Variants in MGAT4C observed in about 807,000 individuals in gnomAD.
MGAT4C encodes the protein MGAT4 family member C.
In MGAT4C, 19 loss-of-function variants were observed where a neutral mutation model predicts 40.1. The ratio of observed to expected loss-of-function variants is 0.47; its 90% CI spans 0.33 to 0.70. MGAT4C has a LOEUF of 0.70. Ranked by LOEUF, MGAT4C falls within the 30% of genes least tolerant of loss-of-function variation. The pLI is 0.02. For synonymous variants in MGAT4C, 181 were observed against 187.1 expected, an observed-to-expected ratio of 0.97 and a Z score of 0.27; for missense variants, 491 against 563.2, an observed-to-expected ratio of 0.87 and a Z score of 1.30.
Position 86,690,261 on chromosome 12 carries a change from T to A in MGAT4C, c.-229+36948A>T, listed in dbSNP as rs568382192. On this transcript the variant is annotated intron_variant, in intron 2 of 7. Transcript: ENST00000548651. ...CTTAGCTTGCTTGGTTCAATGGAAG[T>A]GGGATCCACTAAGCAAGACCACTTG... 2.0e-5 allele frequency among the ~76,000 whole-genome samples: 3 copies of A among 152,308 alleles called. No individual in the cohort carries two copies. The East Asian group carries it at 5.8e-4, about 29-fold the overall frequency.
At chr12:86,168,627 C>T (rs182470350) in intron 1 of MGAT4C, among the ~76,000 whole-genome samples, 3 of 152,010 alleles carry the variant, frequency 2.0e-5, no homozygotes, top group East Asian at 1.9e-4. Flanking sequence ...CAGTAAAGGA[C>T]GTTATTGAGA....
chr12:86,544,422 T>A (rs538177571), intron 2 of MGAT4C, among the ~76,000 whole-genome samples: 1 of 152,304 alleles, frequency 6.6e-6, no homozygotes, highest in African/African-American at 2.4e-5. Flanking sequence ...CTCAGTTTAT[T>A]TGTGTGTAAC....
At chr12:86,050,550 T>C (rs1287612540) in intron 1 of MGAT4C, among the ~76,000 whole-genome samples, 1 of 152,028 alleles carries the variant, frequency 6.6e-6, no homozygotes, top group Non-Finnish European at 1.5e-5. Flanking sequence ...AATTATGTTG[T>C]TTTTCAAAGT....
chr12:86,569,204 AC>A (rs1338410612), intron 2 of MGAT4C, among the ~76,000 whole-genome samples: 1 of 152,058 alleles, frequency 6.6e-6, no homozygotes, highest in Non-Finnish European at 1.5e-5. Flanking sequence ...TATACTGAAA[AC>A]CTTTGCACAG....
chr12:86,127,950 C>A (rs1311975783), intron 1 of MGAT4C, among the ~76,000 whole-genome samples: 1 of 152,114 alleles, frequency 6.6e-6, no homozygotes, highest in Non-Finnish European at 1.5e-5. Context: ...ATAAGTAGTA[C>A]ACTCTAAAAT....
At chr12:85,989,700 C>T (rs1486286913) in intron 2 of MGAT4C, 148 bp from the exon 3 acceptor site, 9 of 662,416 alleles carry the variant, frequency 1.4e-5, no homozygotes, top group Non-Finnish European at 1.9e-5. Flanking sequence ...ATAAGGTTGG[C>T]ACAGATCATT....
At chr12:86,600,785 C>A (rs906345501) in intron 2 of MGAT4C, among the ~76,000 whole-genome samples, 2 of 152,182 alleles carry the variant, frequency 1.3e-5, no homozygotes, top group African/African-American at 4.8e-5. Flanking sequence ...CAGGAGCTTG[C>A]GTTCCCGCTG....
intron 1 of MGAT4C, among the ~76,000 whole-genome samples, chr12:86,769,953 G>T (rs1284975191): frequency 6.6e-6 from 1 of 151,834 alleles, no homozygotes; most frequent in African/African-American, 2.4e-5. Flanking sequence ...CATGGCACAC[G>T]TATACATATG....
At position 86,658,664 on chromosome 12, in the gene MGAT4C, T is replaced by C. The variant is rs61950838; in HGVS notation, c.-229+68545A>G. Among the ~76,000 whole-genome samples, 1,069 of 152,258 alleles carry C rather than the reference T, an allele frequency of 7.0e-3. 7 individuals are homozygous for C. The highest frequency in any genetic ancestry group is 0.012 in the Non-Finnish European group (838 of 68,000). On this transcript the variant is annotated intron_variant, in intron 2 of 7. Coordinates refer to the MGAT4C transcript ENST00000548651. ...GCCTCACAAACTCTCTCTTCTACTT[T>C]ATGAGCTTCAGATTTCACTGATCAA...
intron 1 of MGAT4C, among the ~76,000 whole-genome samples, chr12:86,824,580 A>G (rs1484713070): frequency 6.6e-6 from 1 of 151,158 alleles, no homozygotes; most frequent in Admixed American, 6.6e-5. Context: ...AACTACTGTA[A>G]TCCAAAAAAA....
chr12:86,392,617 T>G (rs1424381752), intron 3 of MGAT4C, among the ~76,000 whole-genome samples: 1 of 152,174 alleles, frequency 6.6e-6, no homozygotes, highest in Non-Finnish European at 1.5e-5. Context: ...GAGGGATGGC[T>G]TTTAGAGTAA....
intron 4 of MGAT4C, among the ~76,000 whole-genome samples, chr12:86,323,093 A>G (rs1954435558): frequency 6.6e-6 from 1 of 151,484 alleles, no homozygotes; most frequent in Non-Finnish European, 1.5e-5. Flanking sequence ...AGGAATTTGA[A>G]AGATCTCACA....
chr12:86,698,536 T>A (rs907071803), intron 2 of MGAT4C, among the ~76,000 whole-genome samples: 1 of 152,246 alleles, frequency 6.6e-6, no homozygotes, highest in African/African-American at 2.4e-5. Flanking sequence ...ATGACAGCAA[T>A]ATCTATATGA....
rs2136668644 is a variant in MGAT4C, at chr12:85,975,624, A to T, written c.*3665T>A. On this transcript the variant is annotated 3_prime_UTR_variant, in exon 5 of 5. Coordinates refer to ENST00000611864, the MANE Select transcript of MGAT4C (RefSeq NM_001351288.2). ...GCATATAAAATTTGTTGAAACACAA[A>T]GCTGAGGAGGCATAATAAGACGTGG... 6.6e-6 allele frequency: 1 copy of T among 151,032 alleles called. No individual in the cohort carries two copies. The highest frequency in any genetic ancestry group is 1.5e-5 in the Non-Finnish European group (1 of 67,086). The allele number at this position is 151,032 out of a possible 1,614,324, so 9.4% of individuals were successfully genotyped here.
chr12:86,050,009 T>C (rs1892746688), intron 1 of MGAT4C, among the ~76,000 whole-genome samples: 1 of 151,936 alleles, frequency 6.6e-6, no homozygotes, highest in African/African-American at 2.4e-5. Flanking sequence ...AATATAGAGA[T>C]ACACACATAT....
intron 2 of MGAT4C, among the ~76,000 whole-genome samples, chr12:86,039,626 C>CT (rs1186355650): frequency 2.6e-5 from 4 of 152,132 alleles, no homozygotes; most frequent in African/African-American, 9.6e-5. Flanking sequence ...TTCATCTAAC[C>CT]TTTTTTCAAG....
intron 2 of MGAT4C, among the ~76,000 whole-genome samples, chr12:86,528,966 TA>T (rs1958931431): frequency 1.3e-5 from 2 of 151,376 alleles, no homozygotes; most frequent in African/African-American, 4.8e-5. Context: ...GAACTTAAAA[TA>T]AAAGTTGAAA....
At chr12:86,121,409 C>T (rs1171614954) in intron 1 of MGAT4C, among the ~76,000 whole-genome samples, 1 of 152,130 alleles carries the variant, frequency 6.6e-6, no homozygotes, top group East Asian at 1.9e-4. Flanking sequence ...CACAAAGATA[C>T]TCCTCGAGAC....
At chr12:86,603,413 ATATATAG>A (rs1248694168) in intron 2 of MGAT4C, among the ~76,000 whole-genome samples, 9 of 119,018 alleles carry the variant, frequency 7.6e-5, no homozygotes, top group Non-Finnish European at 1.3e-4. Flanking sequence ...ATATATTAGT[ATATATAG>A]TATATAGTAT....
Sources: gnomAD v4.1 joint callset for allele counts (sites outside exome capture counted in the v4.1 genomes callset) on GRCh38, gnomAD v4.1.1 for gene constraint, MANE v1.5 for transcripts, NCBI Gene and HGNC (gene_info 2026-07-23, HGNC 2026-07-21) for gene names.